The following VSTM4 variants were observed in gnomAD, a reference collection of about 807,000 sequenced individuals.
The protein encoded by VSTM4 is V-set and transmembrane domain-containing protein 4.
In VSTM4, 20 loss-of-function variants were observed where a neutral mutation model predicts 36.4. That is an observed-to-expected ratio of 0.55 (90% CI 0.39 to 0.80). The LOEUF (loss-of-function observed/expected upper bound fraction) is 0.80, where lower values mean the gene tolerates loss of function less well. Ranked by LOEUF, VSTM4 falls within the 30% of genes least tolerant of loss-of-function variation. The pLI, the probability that VSTM4 is intolerant of heterozygous loss-of-function variation, is 0.00. For synonymous variants in VSTM4, 182 were observed against 173.9 expected, an observed-to-expected ratio of 1.05 and a Z score of -0.37; for missense variants, 392 against 404.5, an observed-to-expected ratio of 0.97 and a Z score of 0.26.
At chr10:49,104,307 C>T (rs183378251) in intron 2 of VSTM4, among the ~76,000 whole-genome samples, 1,573 of 151,600 alleles carry the variant, frequency 0.01, 17 homozygotes, top group Non-Finnish European at 0.016. Flanking sequence ...GTCTCAAAAA[C>T]AACAACAACA....
chr10:49,054,171 G>A (rs992947636), intron 5 of VSTM4, among the ~76,000 whole-genome samples: 19 of 152,168 alleles, frequency 1.2e-4, no homozygotes, highest in Non-Finnish European at 7.3e-5. Context: ...CTCTGGCCCT[G>A]AAGCAAGGAC....
chr10:49,058,666 G>A (rs905718682), intron 5 of VSTM4, among the ~76,000 whole-genome samples: 9 of 152,140 alleles, frequency 5.9e-5, no homozygotes, highest in Non-Finnish European at 1.0e-4. Flanking sequence ...TTTTCCTTCC[G>A]TTTGAACTTT....
intron 4 of VSTM4, among the ~76,000 whole-genome samples, chr10:49,068,017 T>A (rs143054533): frequency 6.6e-6 from 1 of 152,206 alleles, no homozygotes; most frequent in African/African-American, 2.4e-5. Flanking sequence ...TAAACCATTG[T>A]TATGTTTTTT....
chr10:49,085,522 G>A (rs10508910), intron 3 of VSTM4, among the ~76,000 whole-genome samples: 14,588 of 152,276 alleles, frequency 0.096, 947 homozygotes, highest in East Asian at 0.21. Flanking sequence ...TATCACCTGG[G>A]AGTAGGAATT....
intron 1 of VSTM4, among the ~76,000 whole-genome samples, 160 bp downstream of exon 1, chr10:49,115,271 C>T (rs758619438): frequency 6.6e-5 from 10 of 151,758 alleles, no homozygotes; most frequent in Admixed American, 5.2e-4. Context: ...GCCAGACCCT[C>T]GGCGAGCCCA....
In VSTM4 at chr10:49,045,282, T is replaced by A. The variant is rs948809789; in HGVS notation, c.837+1701A>T. ...ATTAACAACAAAATAAATAATTATG[T>A]AGTTAAAAACTAAAAAATAAATATC... On this transcript the variant is annotated intron_variant, in intron 7 of 7. Transcript: ENST00000332853. 7.2e-5 allele frequency among the ~76,000 whole-genome samples: 11 copies of A among 152,130 alleles called. No homozygotes were observed. In the East Asian group the frequency reaches 2.1e-3, roughly 29 times the overall value.
intron 7 of VSTM4, among the ~76,000 whole-genome samples, chr10:49,033,624 T>G (rs926929645): frequency 6.6e-6 from 1 of 152,202 alleles, no homozygotes; most frequent in African/African-American, 2.4e-5. Flanking sequence ...CAAGTACTTT[T>G]GACAAAAGGC....
intron 2 of VSTM4, among the ~76,000 whole-genome samples, chr10:49,097,391 G>A (rs1287573125): frequency 6.6e-6 from 1 of 152,194 alleles, no homozygotes; most frequent in African/African-American, 2.4e-5. Context: ...GGGATGTCAA[G>A]CACAATGGAG....
Position 49,039,394 on chromosome 10 carries a change from G to C in VSTM4, c.837+7589C>G, listed in dbSNP as rs990529359. On this transcript the variant is annotated intron_variant, in intron 7 of 7. Transcript: ENST00000332853. Reference sequence around the variant, plus strand: ...GCCATTTACGCAGGGAAATGACACAGATGAAGCTGTGTTTTAGAAAAATCC... The same window carrying C: ...GCCATTTACGCAGGGAAATGACACACATGAAGCTGTGTTTTAGAAAAATCC... 3.9e-5 allele frequency among the ~76,000 whole-genome samples: 6 copies of C among 152,140 alleles called. No individual in the cohort carries two copies. In the East Asian group the frequency reaches 1.2e-3, roughly 29 times the overall value.
chr10:49,030,511 A>C (rs189816442), intron 7 of VSTM4, among the ~76,000 whole-genome samples: 11 of 152,308 alleles, frequency 7.2e-5, no homozygotes, highest in Admixed American at 7.2e-4. Context: ...AGGGACTGAG[A>C]GCCAGTCACC....
At chr10:49,032,476 C>T (rs903486163) in intron 7 of VSTM4, among the ~76,000 whole-genome samples, 1 of 152,194 alleles carries the variant, frequency 6.6e-6, no homozygotes, top group African/African-American at 2.4e-5. Flanking sequence ...CTTACCACAG[C>T]TAATTTCAAG....
At chr10:49,089,245 T>C (rs1052368394) in intron 2 of VSTM4, among the ~76,000 whole-genome samples, 6 of 152,194 alleles carry the variant, frequency 3.9e-5, no homozygotes, top group African/African-American at 1.4e-4. Context: ...TGAGACCTAC[T>C]GAGCCCATAT....
At chr10:49,047,582 G>T (rs1332088641) in intron 6 of VSTM4, among the ~76,000 whole-genome samples, 3 of 152,200 alleles carry the variant, frequency 2.0e-5, no homozygotes, top group Non-Finnish European at 4.4e-5. Context: ...TTCAACTTTA[G>T]TAAGGGTGGG....
At chr10:49,044,386 GGAGA>G (rs949060115) in intron 7 of VSTM4, among the ~76,000 whole-genome samples, 2 of 117,892 alleles carry the variant, frequency 1.7e-5, no homozygotes, top group Admixed American at 9.8e-5. Context: ...AAGGAAGGAA[GGAGA>G]GAGAGAGAAA....
At chr10:49,081,905 G>A (rs1473002886) in intron 3 of VSTM4, among the ~76,000 whole-genome samples, 1 of 152,218 alleles carries the variant, frequency 6.6e-6, no homozygotes, top group East Asian at 1.9e-4. Flanking sequence ...CCTTGATTGA[G>A]CAGCAACCAG....
rs1843070815 is a variant in VSTM4, at chr10:49,014,264, A to G, written c.*5386T>C. ...ATGGAGGACGCTTGTAATAAAGTTT[A>G]ATGTGGAAGAACAAGGTGCATTTAA... On this transcript the variant is annotated 3_prime_UTR_variant, in exon 8 of 8. Transcript: ENST00000332853. 1 of 152,262 alleles carries G rather than the reference A, an allele frequency of 6.6e-6. No homozygotes were observed. Among genetic ancestry groups the G allele is most frequent in the Admixed American group, 6.5e-5 (1 of 15,284 alleles). The allele number at this position is 152,262 out of a possible 1,614,324, so 9.4% of individuals were successfully genotyped here.
intron 4 of VSTM4, among the ~76,000 whole-genome samples, chr10:49,067,974 A>C (rs186559707): frequency 9.2e-5 from 14 of 152,364 alleles, no homozygotes; most frequent in Admixed American, 6.5e-4. Flanking sequence ...TCTCTAGATT[A>C]CTTGTAATAC....
intron 2 of VSTM4, among the ~76,000 whole-genome samples, chr10:49,097,960 A>C (rs1206353422): frequency 6.6e-6 from 1 of 152,214 alleles, no homozygotes. Flanking sequence ...ATCAAGAACC[A>C]AGAGTATTTG....
chr10:49,044,903 T>C (rs984837356), intron 7 of VSTM4, among the ~76,000 whole-genome samples: 2 of 152,174 alleles, frequency 1.3e-5, no homozygotes, highest in African/African-American at 4.8e-5. Context: ...GCTATAGATC[T>C]TTTTTTCATA....
Sources: gnomAD v4.1 joint callset for allele counts (sites outside exome capture counted in the v4.1 genomes callset) on GRCh38, gnomAD v4.1.1 for gene constraint, MANE v1.5 for transcripts, NCBI Gene and HGNC (gene_info 2026-07-23, HGNC 2026-07-21) for gene names.